TLN2: variants seen among roughly 807,000 people sequenced by gnomAD.
TLN2 encodes the protein talin-2.
A neutral mutation model predicts 294.7 loss-of-function variants in TLN2; 118 were observed. The ratio of observed to expected loss-of-function variants is 0.40; its 90% CI spans 0.34 to 0.47. The LOEUF (loss-of-function observed/expected upper bound fraction) is 0.47. TLN2 is among the 20% of genes least tolerant of loss of function. TLN2 has a pLI of 0.84. For missense variants in TLN2, 3,083 were observed against 3,282.2 expected (o/e 0.94, Z 1.48); for synonymous variants, 1,431 against 1,304.5 (o/e 1.10, Z -2.09).
intron 1 of TLN2, among the ~76,000 whole-genome samples, chr15:62,438,016 T>A (rs2035376625): frequency 6.6e-6 from 1 of 152,180 alleles, no homozygotes; most frequent in African/African-American, 2.4e-5. Flanking sequence ...AGATGCACCC[T>A]GGTCCCCAAG....
At chr15:62,401,107 G>T (rs2032989220) in intron 1 of TLN2, among the ~76,000 whole-genome samples, 1 of 152,106 alleles carries the variant, frequency 6.6e-6, no homozygotes, top group Admixed American at 6.5e-5. Flanking sequence ...ATGCTTATCA[G>T]TGACACATAA....
At chr15:62,808,665 C>G (rs1249028607) in intron 51 of TLN2, among the ~76,000 whole-genome samples, 1 of 152,210 alleles carries the variant, frequency 6.6e-6, no homozygotes. Context: ...AGCATCCGGG[C>G]CTGTGTCTTC....
At chr15:62,812,130 G>C (rs1001604234) in intron 52 of TLN2, among the ~76,000 whole-genome samples, 5 of 152,258 alleles carry the variant, frequency 3.3e-5, no homozygotes, top group East Asian at 3.9e-4. Flanking sequence ...AGCAGCAGTG[G>C]CCTCTGCCTC....
chr15:62,834,254 A>G (rs971943020), intron 55 of TLN2: 2 of 152,174 alleles, frequency 1.3e-5, no homozygotes, highest in Non-Finnish European at 1.5e-5. Flanking sequence ...CCGATTTAAC[A>G]TGTTCCATAT....
chr15:62,454,929 C>T (rs1192788398), intron 1 of TLN2, among the ~76,000 whole-genome samples: 1 of 152,068 alleles, frequency 6.6e-6, no homozygotes, highest in Non-Finnish European at 1.5e-5. Context: ...CACTATCATT[C>T]CCCCAGTCCC....
In TLN2 at chr15:62,840,683, T is replaced by C; in HGVS notation, c.*73T>C. On this transcript the variant is annotated 3_prime_UTR_variant, in exon 59 of 59. Coordinates refer to ENST00000636159, the MANE Select transcript of TLN2 (RefSeq NM_015059.3). ...TGGACAGACAGTGTTCCTGAGAGGC[T>C]GGGCACTTAGCTGGAAACCGCCCAC... is the stretch of plus-strand genomic sequence containing the variant. 1 of 1,546,058 alleles carries C rather than the reference T, an allele frequency of 6.5e-7. No homozygotes were observed. Among genetic ancestry groups the C allele is most frequent in the South Asian group, 1.3e-5 (1 of 79,896 alleles).
intron 21 of TLN2, among the ~76,000 whole-genome samples, chr15:62,710,621 A>G (rs2059362944): frequency 6.6e-6 from 1 of 151,976 alleles, no homozygotes. Context: ...AAAGGATAGC[A>G]CATTTGTCAA....
chr15:62,837,200 T>G (rs2069782911), intron 57 of TLN2, among the ~76,000 whole-genome samples: 1 of 152,194 alleles, frequency 6.6e-6, no homozygotes, highest in Non-Finnish European at 1.5e-5. Context: ...TTGGCCCTCT[T>G]GAGTCCCTCT....
intron 1 of TLN2, among the ~76,000 whole-genome samples, chr15:62,492,559 AAG>A (rs1491376853): frequency 2.7e-5 from 4 of 150,320 alleles, no homozygotes; most frequent in Non-Finnish European, 5.9e-5. Context: ...AAAAAAAAAA[AAG>A]AAAAAAAGAA....
Position 62,752,361 on chromosome 15 carries a change from T to A in TLN2, c.4266T>A (p.Pro1422=). 6.2e-7 allele frequency: 1 copy of A among 1,614,104 alleles called. No homozygotes were observed. The highest frequency in any genetic ancestry group is 8.5e-7 in the Non-Finnish European group (1 of 1,180,006). The change falls in exon 35 of 59, where the codon CCT becomes CCA. Residue 1422 remains proline (P), a synonymous_variant. Transcript: ENST00000636159. ...AGAATGCCAAGACCGGAGACCTCCC[T>A]GCCTTTGGGGAATGTGTGGGGATTG... ...ISQNAKTGDL[P]AFGECVGIAS... is the part of the protein sequence containing the mutation.
chr15:62,612,661 G>A (rs2140828248), intron 2 of TLN2, among the ~76,000 whole-genome samples: 1 of 152,254 alleles, frequency 6.6e-6, no homozygotes, highest in South Asian at 2.1e-4. Context: ...GTTGTCACCA[G>A]AAAAGCAATT....
At chr15:62,640,662 T>C (rs1295902472) in intron 3 of TLN2, among the ~76,000 whole-genome samples, 1 of 152,168 alleles carries the variant, frequency 6.6e-6, no homozygotes, top group African/African-American at 2.4e-5. Context: ...AGAAACAGCC[T>C]AGGTGCTATA....
chr15:62,832,585 A>AC (rs1212195724), intron 54 of TLN2: 4 of 152,230 alleles, frequency 2.6e-5, no homozygotes, highest in Non-Finnish European at 5.9e-5. Flanking sequence ...TTAGACCAGA[A>AC]CCCTAATGGT....
chr15:62,802,437 C>CACAT (rs1555513697), intron 50 of TLN2, among the ~76,000 whole-genome samples: 3 of 141,330 alleles, frequency 2.1e-5, no homozygotes, highest in Non-Finnish European at 3.1e-5. Context: ...CACACACACA[C>CACAT]ATATATATAA....
chr15:62,439,864 G>A (rs2035465036), intron 1 of TLN2, among the ~76,000 whole-genome samples: 1 of 152,150 alleles, frequency 6.6e-6, no homozygotes, highest in Non-Finnish European at 1.5e-5. Flanking sequence ...TTAATTAGGG[G>A]CAAGAAGATG....
At chr15:62,565,338 A>G (rs2043306980) in intron 1 of TLN2, among the ~76,000 whole-genome samples, 1 of 152,206 alleles carries the variant, frequency 6.6e-6, no homozygotes, top group Non-Finnish European at 1.5e-5. Flanking sequence ...AAAACATTAA[A>G]GTATATACAT....
intron 1 of TLN2, among the ~76,000 whole-genome samples, chr15:62,510,331 G>T (rs764325239): frequency 6.6e-6 from 1 of 152,202 alleles, no homozygotes; most frequent in Admixed American, 6.5e-5. Context: ...TTTGGGATCA[G>T]CTAGGCTTGG....
At chr15:62,456,809 G>A (rs1047983868) in intron 1 of TLN2, among the ~76,000 whole-genome samples, 1 of 152,106 alleles carries the variant, frequency 6.6e-6, no homozygotes, top group Non-Finnish European at 1.5e-5. Context: ...TCTTCCATCC[G>A]TTGTCTCACT....
chr15:62,480,714 C>T (rs1407898842), intron 1 of TLN2, among the ~76,000 whole-genome samples: 1 of 152,160 alleles, frequency 6.6e-6, no homozygotes, highest in African/African-American at 2.4e-5. Context: ...GCATGCCCTA[C>T]GTTACCACAC....
Sources: allele counts gnomAD v4.1 joint callset (sites outside exome capture counted in the v4.1 genomes callset), GRCh38; gene constraint gnomAD v4.1.1; transcripts MANE v1.5; gene names NCBI Gene and HGNC (gene_info 2026-07-23, HGNC 2026-07-21).